FRMPD4: variants seen among roughly 807,000 people sequenced by gnomAD.
FRMPD4 encodes FERM and PDZ domain containing 4.
FRMPD4 carries 22 observed loss-of-function variants against 94.1 expected under a neutral mutation model. The ratio of observed to expected loss-of-function variants is 0.23; its 90% CI spans 0.17 to 0.33. The LOEUF is 0.33. Among genes scored for constraint, FRMPD4 ranks in the 10% least tolerant of loss-of-function variants. The probability of loss-of-function intolerance (pLI) is 1.00; values close to 1 mark genes in which losing one functional copy is unlikely to be tolerated. For missense variants in FRMPD4, 1,111 were observed against 1,339.9 expected (o/e 0.83, Z 2.67); for synonymous variants, 631 against 548.6 (o/e 1.15, Z -2.10).
intron 3 of FRMPD4, among the ~76,000 whole-genome samples, chrX:12,121,613 G>A (rs1392400114): frequency 9.0e-6 from 1 of 111,567 alleles, no homozygotes; most frequent in African/African-American, 3.3e-5. Flanking sequence ...GTCTTATGGT[G>A]GGTGGTGGTA....
chrX:12,242,937 CTA>C (rs2053898256), intron 1 of FRMPD4, among the ~76,000 whole-genome samples: 1 of 112,227 alleles, frequency 8.9e-6, no homozygotes, highest in African/African-American at 3.2e-5. Flanking sequence ...CAGGATCTTG[CTA>C]TGTTTCCCAG....
intron 1 of FRMPD4, among the ~76,000 whole-genome samples, chrX:12,447,794 C>T (rs867443974): frequency 8.9e-6 from 1 of 112,181 alleles, no homozygotes; most frequent in Non-Finnish European, 1.9e-5. Flanking sequence ...CAGTTATTAT[C>T]AAAACAACAT....
chrX:12,702,843 C>T (rs982200510), intron 10 of FRMPD4, among the ~76,000 whole-genome samples: 7 of 112,211 alleles, frequency 6.2e-5, no homozygotes, highest in Non-Finnish European at 1.1e-4. Flanking sequence ...CAGATGCTTT[C>T]TCTCTCTCCC....
intron 1 of FRMPD4, among the ~76,000 whole-genome samples, chrX:12,434,022 G>A (rs924778971): frequency 1.8e-5 from 2 of 111,622 alleles, no homozygotes; most frequent in Non-Finnish European, 3.8e-5. Flanking sequence ...AGCTTCAAGC[G>A]TGGAGAAGAG....
chrX:12,456,405 G>A (rs144861146), intron 1 of FRMPD4, among the ~76,000 whole-genome samples: 1,554 of 111,429 alleles, frequency 0.014, 39 homozygotes, highest in African/African-American at 0.048. Context: ...GGCCATGCCG[G>A]GAATATTTAC....
At chrX:12,178,461 T>C (rs527298707) in intron 1 of FRMPD4, among the ~76,000 whole-genome samples, 1 of 111,946 alleles carries the variant, frequency 8.9e-6, no homozygotes, top group South Asian at 3.7e-4. Flanking sequence ...GTGTCTAAAA[T>C]AAGATATACT....
chrX:11,828,798 A>G (rs1055407926), intron 1 of FRMPD4, among the ~76,000 whole-genome samples: 8 of 112,567 alleles, frequency 7.1e-5, no homozygotes, highest in Admixed American at 9.4e-5. Context: ...TTAGTCTGCA[A>G]TTATGGCCTG....
intron 1 of FRMPD4, among the ~76,000 whole-genome samples, chrX:12,407,831 G>A (rs1473196904): frequency 9.0e-6 from 1 of 111,664 alleles, no homozygotes; most frequent in Non-Finnish European, 1.9e-5. Context: ...ATGAGCAGCA[G>A]GACAGATTTT....
intron 1 of FRMPD4, among the ~76,000 whole-genome samples, chrX:12,452,052 C>CT (rs1237761945): frequency 9.1e-6 from 1 of 110,372 alleles, no homozygotes; most frequent in Non-Finnish European, 1.9e-5. Context: ...CCTTTGCTGA[C>CT]TCGTTTTTCC....
chrX:12,050,469 A>G (rs775746198), intron 3 of FRMPD4, among the ~76,000 whole-genome samples: 7 of 111,727 alleles, frequency 6.3e-5, no homozygotes, highest in Admixed American at 3.8e-4. Context: ...TTGTGTAAGT[A>G]CAATCTATGA....
intron 1 of FRMPD4, among the ~76,000 whole-genome samples, chrX:12,452,473 C>T (rs2057283966): frequency 9.0e-6 from 1 of 111,335 alleles, no homozygotes; most frequent in Non-Finnish European, 1.9e-5. Flanking sequence ...CAGCAGAAAA[C>T]AGCTGGTATA....
chrX:12,371,530 A>T (rs2056162293), intron 1 of FRMPD4, among the ~76,000 whole-genome samples: 1 of 112,719 alleles, frequency 8.9e-6, no homozygotes, highest in Non-Finnish European at 1.9e-5. Flanking sequence ...TTTCATTTTA[A>T]TATGAGTATT....
At chrX:12,123,178 A>G (rs1413523354) in intron 3 of FRMPD4, among the ~76,000 whole-genome samples, 2 of 90,618 alleles carry the variant, frequency 2.2e-5, no homozygotes, top group Admixed American at 2.8e-4. Flanking sequence ...CACTTGCTCT[A>G]TCACCCAGGC....
At chrX:12,336,700 AAACT>A (rs375056857) in intron 1 of FRMPD4, among the ~76,000 whole-genome samples, 72 of 111,514 alleles carry the variant, frequency 6.5e-4, no homozygotes, top group Middle Eastern at 4.7e-3. Flanking sequence ...GGACTTTTAA[AAACT>A]AACTATGTTT....
At chrX:12,241,937 G>GAA (rs2053880648) in intron 1 of FRMPD4, among the ~76,000 whole-genome samples, 1 of 75,724 alleles carries the variant, frequency 1.3e-5, no homozygotes, top group Non-Finnish European at 2.8e-5. Flanking sequence ...AGGAGAAGGA[G>GAA]GGGAAGGGGA....
chrX:11,903,578 A>G (rs756506615), intron 3 of FRMPD4, among the ~76,000 whole-genome samples: 8 of 112,552 alleles, frequency 7.1e-5, no homozygotes, highest in African/African-American at 2.6e-4. Context: ...TTTTTAAATT[A>G]CAAACTTAAA....
chrX:12,152,589 T>C (rs1179994065), intron 1 of FRMPD4, among the ~76,000 whole-genome samples: 1 of 111,536 alleles, frequency 9.0e-6, no homozygotes, highest in Non-Finnish European at 1.9e-5. Context: ...TATAAATTGC[T>C]AACTCAGACA....
At chrX:12,673,003 C>G (rs1023068317) in intron 4 of FRMPD4, among the ~76,000 whole-genome samples, 27 of 111,977 alleles carry the variant, frequency 2.4e-4, no homozygotes, top group Non-Finnish European at 3.9e-4. Flanking sequence ...AATGTTTACT[C>G]TGGTGCTCAG....
intron 10 of FRMPD4, 71 bp from the exon 11 acceptor site, chrX:12,704,288 A>G (rs1368182141): frequency 2.4e-6 from 2 of 818,727 alleles, no homozygotes; most frequent in East Asian, 6.7e-5. Flanking sequence ...AACAAACATC[A>G]GAGCACCATT....
Sources: gnomAD v4.1 joint callset for allele counts (sites outside exome capture counted in the v4.1 genomes callset) on GRCh38, gnomAD v4.1.1 for gene constraint, MANE v1.5 for transcripts, NCBI Gene and HGNC (gene_info 2026-07-23, HGNC 2026-07-21) for gene names.